Variants in LMO7 observed in about 807,000 individuals in gnomAD.
LMO7 encodes the protein LIM domain 7, also known as LIM domain only protein 7.
LMO7 carries 120 observed loss-of-function variants against 206.5 expected under a neutral mutation model. That is an observed-to-expected ratio of 0.58 (90% CI 0.50 to 0.68). LMO7 has a LOEUF of 0.68. Ranked by LOEUF, LMO7 falls within the 30% of genes least tolerant of loss-of-function variation. The pLI is 0.00. For synonymous variants in LMO7, 706 were observed against 681.5 expected (o/e 1.04, Z -0.56); for missense variants, 1,959 against 1,957.9 (o/e 1.00, Z -0.01).
intron 3 of LMO7, among the ~76,000 whole-genome samples, chr13:75,737,785 A>AAAAAAAAAAAAAAAAAAAAT (rs2046010825): frequency 1.0e-5 from 1 of 96,854 alleles, no homozygotes; most frequent in Non-Finnish European, 2.4e-5. Flanking sequence ...AATAAAATAA[A>AAAAAAAAAAAAAAAAAAAAT]AAAAAAAAAA....
chr13:75,678,057 C>G (rs1306967722), intron 1 of LMO7, among the ~76,000 whole-genome samples: 6 of 151,968 alleles, frequency 3.9e-5, no homozygotes, highest in Non-Finnish European at 7.4e-5. Flanking sequence ...GGACATTTGG[C>G]TTGGTTCCAA....
At chr13:75,709,255 CAT>C (rs1374974822) in intron 1 of LMO7, among the ~76,000 whole-genome samples, 1 of 152,332 alleles carries the variant, frequency 6.6e-6, no homozygotes, top group East Asian at 1.9e-4. Context: ...CCGCAATAAA[CAT>C]ACGTGTGCAT....
At chr13:75,840,817 AT>A (rs1254389555) in intron 22 of LMO7, among the ~76,000 whole-genome samples, 4 of 152,156 alleles carry the variant, frequency 2.6e-5, no homozygotes, top group Admixed American at 2.0e-4. Flanking sequence ...TTGCAGAGTA[AT>A]TCAGCCCCCG....
intron 29 of LMO7, among the ~76,000 whole-genome samples, chr13:75,856,051 T>C (rs1323567160): frequency 6.6e-6 from 1 of 152,140 alleles, no homozygotes; most frequent in Non-Finnish European, 1.5e-5. Flanking sequence ...GCACATGGAA[T>C]CGAAATATCC....
chr13:75,765,105 G>A (rs942381478), intron 4 of LMO7, among the ~76,000 whole-genome samples: 3 of 152,132 alleles, frequency 2.0e-5, no homozygotes, highest in Non-Finnish European at 2.9e-5. Context: ...GTTCGCTAAA[G>A]CTTCACAAGA....
intron 3 of LMO7, among the ~76,000 whole-genome samples, chr13:75,734,887 C>T (rs562940): frequency 0.49 from 74,680 of 151,434 alleles, 19,601 homozygotes; most frequent in African/African-American, 0.68. Context: ...ATCACAAGGT[C>T]AGGAGATGAC....
intron 6 of LMO7, among the ~76,000 whole-genome samples, chr13:75,798,842 G>A (rs2054364243): frequency 6.6e-6 from 1 of 152,152 alleles, no homozygotes; most frequent in African/African-American, 2.4e-5. Flanking sequence ...CAGGGCCAAA[G>A]GTTATTTTAT....
chr13:75,747,838 A>G (rs537995271), intron 3 of LMO7, among the ~76,000 whole-genome samples: 10 of 152,372 alleles, frequency 6.6e-5, no homozygotes, highest in African/African-American at 2.2e-4. Context: ...CATATCCTGC[A>G]TGATCCAGGT....
At chr13:75,826,913 T>G (rs1247471439) in intron 15 of LMO7, among the ~76,000 whole-genome samples, 1 of 152,138 alleles carries the variant, frequency 6.6e-6, no homozygotes, top group Non-Finnish European at 1.5e-5. Flanking sequence ...CATCACGTAC[T>G]TTTTGGAGCA....
intron 13 of LMO7, 58 bp downstream of exon 13, chr13:75,819,593 T>C: frequency 1.4e-6 from 2 of 1,430,148 alleles, no homozygotes; most frequent in Non-Finnish European, 9.2e-7. Flanking sequence ...GTGTTATAAA[T>C]AGATATTTTA....
intron 3 of LMO7, among the ~76,000 whole-genome samples, chr13:75,731,254 G>A (rs2045180035): frequency 6.6e-6 from 1 of 152,150 alleles, no homozygotes; most frequent in Non-Finnish European, 1.5e-5. Context: ...TTACTATTGT[G>A]TGGGAGTCTA....
chr13:75,757,267 CTG>C (rs1408790938), intron 3 of LMO7, among the ~76,000 whole-genome samples: 3 of 152,162 alleles, frequency 2.0e-5, no homozygotes, highest in Non-Finnish European at 4.4e-5. Flanking sequence ...CTTGGGATGA[CTG>C]TAGTCATGGC....
rs1165694402 is a variant in LMO7 at position 75,805,465 on chromosome 13, G to T, written c.915-14G>T. The T allele has an allele frequency of 6.2e-7, 1 of 1,610,690 alleles. No individual in the cohort carries two copies. The highest frequency in any genetic ancestry group is 8.5e-7 in the Non-Finnish European group (1 of 1,177,862). On this transcript the variant is annotated splice_polypyrimidine_tract_variant and intron_variant, in intron 8 of 30. Transcript: ENST00000377534. The stretch of plus-strand genomic sequence containing the variant: ...GCTCATACAGTGTCTTAACCGGTTG[G>T]ATGTTTTGAACAGTAATCAGAGGAG...
At position 75,717,797 on chromosome 13, in the gene LMO7, C is replaced by T. The variant is rs538130230; in HGVS notation, c.140+4545C>T. 3.3e-4 allele frequency among the ~76,000 whole-genome samples: 50 copies of T among 152,278 alleles called. No individual in the cohort carries two copies. In the South Asian group the frequency reaches 9.6e-3, roughly 29 times the overall value. On this transcript the variant is annotated intron_variant, in intron 2 of 30. Transcript: ENST00000377534. Reference sequence around the variant, plus strand: ...CTTCCATGCAGTGCTCCATGGGAAGCCCAGAGGCTTTCATGTAGTGGGAAA... The same window carrying T: ...CTTCCATGCAGTGCTCCATGGGAAGTCCAGAGGCTTTCATGTAGTGGGAAA...
intron 1 of LMO7, among the ~76,000 whole-genome samples, chr13:75,638,611 C>T (rs980214004): frequency 6.6e-6 from 1 of 151,894 alleles, no homozygotes; most frequent in African/African-American, 2.4e-5. Context: ...GTATGTTTGC[C>T]TTCATTGTGT....
intron 12 of LMO7, 24 bp downstream of exon 12, chr13:75,817,302 GGA>G (rs2057111614): frequency 2.1e-6 from 3 of 1,429,610 alleles, no homozygotes; most frequent in Non-Finnish European, 2.9e-6. Flanking sequence ...GGATTGGAGG[GGA>G]GAGAGTGTAT....
chr13:75,814,154 C>A (rs2056746691), intron 11 of LMO7, among the ~76,000 whole-genome samples: 1 of 152,066 alleles, frequency 6.6e-6, no homozygotes, highest in Non-Finnish European at 1.5e-5. Flanking sequence ...CTTAATAGTC[C>A]TTAATAAATC....
chr13:75,705,092 C>T (rs1289963179), intron 1 of LMO7, among the ~76,000 whole-genome samples: 3 of 152,130 alleles, frequency 2.0e-5, no homozygotes, highest in Admixed American at 1.3e-4. Context: ...CTCGGGAGGC[C>T]GCTCCGCCCT....
chr13:75,786,281 T>TTG lies in LMO7; in HGVS notation c.318-9119_318-9118dup, dbSNP rs1423778376. Among the ~76,000 whole-genome samples, 5 of 152,356 alleles carry TTG rather than the reference T, an allele frequency of 3.3e-5. No individual in the cohort carries two copies. The East Asian group carries it at 9.6e-4, about 29-fold the overall frequency. On this transcript the variant is annotated intron_variant, in intron 4 of 30. Coordinates refer to ENST00000377534, the MANE Select transcript of LMO7 (RefSeq NM_001306080.2). ...CCTGCCACACTGGGTGTCCCTTCTG[T>TTG]TGGTCTTGCTGGTTTCTCCTCTACT...
Sources: allele counts gnomAD v4.1 joint callset (sites outside exome capture counted in the v4.1 genomes callset), GRCh38; gene constraint gnomAD v4.1.1; transcripts MANE v1.5; gene names NCBI Gene and HGNC (gene_info 2026-07-23, HGNC 2026-07-21).